The following FBN3 variants were observed in gnomAD, a reference collection of about 807,000 sequenced individuals.
The protein encoded by FBN3 is fibrillin-3.
A neutral mutation model predicts 330.1 loss-of-function variants in FBN3; 234 were observed. The observed-to-expected ratio is 0.71, with a 90% CI of 0.64 to 0.79. The LOEUF (loss-of-function observed/expected upper bound fraction) is 0.79, where lower values mean the gene tolerates loss of function less well. Ranked by LOEUF, FBN3 falls within the 30% of genes least tolerant of loss-of-function variation. The pLI, the probability that FBN3 is intolerant of heterozygous loss-of-function variation, is 0.00. For missense variants in FBN3, 3,606 were observed against 3,886.9 expected (o/e 0.93, Z 1.92); for synonymous variants, 1,458 against 1,517.3 (o/e 0.96, Z 0.91).
chr19:8,076,247 C>CGCGTGT (rs1555724953), intron 59 of FBN3, among the ~76,000 whole-genome samples: 5 of 147,646 alleles, frequency 3.4e-5, no homozygotes, highest in Admixed American at 2.0e-4. Flanking sequence ...TGTCCGTGTG[C>CGCGTGT]GTGTGTGTGT....
chr19:8,072,632 C>A (rs1435689459), intron 62 of FBN3, among the ~76,000 whole-genome samples: 3 of 151,992 alleles, frequency 2.0e-5, no homozygotes, highest in Non-Finnish European at 4.4e-5. Flanking sequence ...GCTTCCTCAC[C>A]TGTGCAAACC....
chr19:8,100,440 C>G (rs1398829859), intron 41 of FBN3, among the ~76,000 whole-genome samples: 1 of 151,944 alleles, frequency 6.6e-6, no homozygotes, highest in Non-Finnish European at 1.5e-5. Flanking sequence ...TGGGTTCAAG[C>G]AATTCTCATG....
rs901264220 is a variant in FBN3, at chr19:8,066,174, C to T, written c.8175G>A (p.Glu2725=). 5.0e-6 allele frequency: 8 copies of T among 1,612,502 alleles called. No homozygotes were observed. In the African/African-American group the frequency reaches 6.7e-5, roughly 13 times the overall value. The change falls in exon 64 of 64, where the codon GAG becomes GAA. Residue 2725 remains glutamate (E), a synonymous_variant. Transcript: ENST00000600128. The stretch of plus-strand genomic sequence containing the variant: ...CTAGACCCTCCAGGGCCGGCCGGAG[C>T]TCCAGGATGCGCTCGGCCCGGCCCA... ...SHLGRAERIL[E]LRPALEGLEG... is the part of the protein sequence containing the mutation.
chr19:8,138,092 G>C (rs759883567), intron 10 of FBN3, 49 bp downstream of exon 10: 2 of 1,530,142 alleles, frequency 1.3e-6, no homozygotes, highest in Admixed American at 2.2e-5. Context: ...CCCAGATCCA[G>C]GACCATCCTT....
rs375116459 is a variant in FBN3 at position 8,126,564 on chromosome 19, G to C, written c.2458C>G (p.Arg820Gly). 1.2e-6 allele frequency: 2 copies of C among 1,611,582 alleles called. No homozygotes were observed. The highest frequency in any genetic ancestry group is 1.7e-6 in the Non-Finnish European group (2 of 1,179,984). The part of the protein sequence containing the change: ...GTCWLKIQES[R>G]CEVNLQGASL... ...GCTCCCTGAAGGTTCACCTCACAGCGGCTCTCCTGGATCTTCAGCCAGCAG... is the reference window on the plus strand; with the variant it reads ...GCTCCCTGAAGGTTCACCTCACAGCCGCTCTCCTGGATCTTCAGCCAGCAG... The change falls in exon 20 of 64, where the codon CGC (arginine) becomes GGC (glycine). Residue 820 changes from arginine to glycine, a missense_variant. Physicochemically the swap from Arg to Gly is moderately radical, Grantham distance 125. Coordinates refer to ENST00000600128, the MANE Select transcript of FBN3 (RefSeq NM_032447.5).
chr19:8,109,250 T>C lies in FBN3; in HGVS notation c.4595A>G (p.Glu1532Gly), dbSNP rs1427601315. ...ACTGGTGTTGGCCATAGGGCACAGC[T>C]CACAGGGATTGCCCCAAGCCCGGCC... Reference protein sequence around the residue: ...SLGRAWGNPCELCPMANTTEY... With the variant: ...SLGRAWGNPCGLCPMANTTEY... The change falls in exon 36 of 64, where the codon GAG (glutamate) becomes GGG (glycine). Residue 1532 changes from glutamate to glycine, a missense_variant. Glu to Gly is a moderately conservative substitution (Grantham distance 98, BLOSUM62 -2). Coordinates refer to ENST00000600128, the MANE Select transcript of FBN3 (RefSeq NM_032447.5). This position sits in a 1 kb window ranked among gnomAD's most constrained non-coding sequence, Gnocchi z 5.2. The C allele has an allele frequency of 1.2e-6, 2 of 1,614,002 alleles. No individual in the cohort carries two copies. The highest frequency in any genetic ancestry group is 2.2e-5 in the East Asian group (1 of 44,884).
chr19:8,117,120 C>G (rs74176274), intron 28 of FBN3, 49 bp downstream of exon 28: 2 of 1,608,568 alleles, frequency 1.2e-6, no homozygotes, highest in Admixed American at 1.7e-5. Flanking sequence ...GCCAACACCT[C>G]CTCCTCACCC....
chr19:8,086,336 A>G lies in FBN3; in HGVS notation c.6755-11T>C. On this transcript the variant is annotated splice_polypyrimidine_tract_variant and intron_variant, in intron 54 of 63. Transcript: ENST00000600128. ...GGCATTCATTGTCATCTGAGATGGG[A>G]GGGGTGAGGCAGGTGGGCGGGGAGG... 6.3e-7 allele frequency: 1 copy of G among 1,589,616 alleles called. No homozygotes were observed. Among genetic ancestry groups the G allele is most frequent in the East Asian group, 2.3e-5 (1 of 43,580 alleles).
rs756599528 is a variant in FBN3, at chr19:8,095,374, C to T, written c.5785+1G>A. The T allele has an allele frequency of 3.1e-6, 5 of 1,612,782 alleles. No homozygotes were observed. The highest frequency in any genetic ancestry group is 4.2e-6 in the Non-Finnish European group (5 of 1,179,218). The stretch of plus-strand genomic sequence containing the variant: ...CCTCCGAGCACCATAGGCAGACTCA[C>T]CCACACAGTTCTTCCCATCAGCTGT... On this transcript the variant is annotated splice_donor_variant, in intron 46 of 63. Coordinates refer to ENST00000600128, the MANE Select transcript of FBN3 (RefSeq NM_032447.5). LOFTEE classifies it high-confidence loss of function.
intron 34 of FBN3, 51 bp downstream of exon 34, chr19:8,110,794 G>A: frequency 3.1e-6 from 5 of 1,610,568 alleles, no homozygotes; most frequent in Admixed American, 1.7e-5. Flanking sequence ...CATGTCCCCT[G>A]CCCCAACTCC....
chr19:8,118,905 G>T lies in FBN3; in HGVS notation c.3329C>A (p.Ala1110Asp), dbSNP rs1131691961. ...PGHELTAKGT[A>D]CEDIDECSLS... is the part of the protein sequence containing the mutation. ...CCCAGATGCACACTTACCCTCACAG[G>T]CAGTGCCCTTGGCCGTCAGCTCATG... Residue 1110 changes from alanine (A) to aspartate (D), a missense_variant, in exon 26 of 64, where the codon GCC becomes GAC. Transcript: ENST00000600128. The T allele has an allele frequency of 1.9e-5, 31 of 1,611,132 alleles. No homozygotes were observed. The highest frequency in any genetic ancestry group is 2.5e-5 in the Non-Finnish European group (30 of 1,177,524).
rs2082988088 is a variant in FBN3 at position 8,126,462 on chromosome 19, TA to T, written c.2554+5del. The T allele has an allele frequency of 6.2e-7, 1 of 1,610,566 alleles. No individual in the cohort carries two copies. Among genetic ancestry groups the T allele is most frequent in the East Asian group, 2.2e-5 (1 of 44,594 alleles). On this transcript the variant is annotated splice_donor_5th_base_variant and intron_variant, in intron 20 of 63. Coordinates refer to ENST00000600128, the MANE Select transcript of FBN3 (RefSeq NM_032447.5). Reference sequence around the variant, plus strand: ...GGTGCCTGGGAGGCCTCAAGGAGGATACTACCGATCTCGCAGCGTTCGCAGG... The same window carrying T: ...GGTGCCTGGGAGGCCTCAAGGAGGATCTACCGATCTCGCAGCGTTCGCAGG...
In FBN3 at chr19:8,138,462, C is replaced by G. The variant is rs766484751; in HGVS notation, c.968G>C (p.Arg323Thr). 1 of 1,613,410 alleles carries G rather than the reference C, an allele frequency of 6.2e-7. No homozygotes were observed. Among genetic ancestry groups the G allele is most frequent in the Admixed American group, 1.7e-5 (1 of 60,028 alleles). ...TRRQCCCDRGRCWAAGPVPEL... is the reference protein window; with the variant it reads ...TRRQCCCDRGTCWAAGPVPEL... ...AGGGACCGGGCCAGCTGCCCAGCAC[C>G]TGCCCCTGTCACAGCAGCACTGCCT... Residue 323 changes from arginine to threonine, a missense_variant, in exon 9 of 64, where the codon AGG becomes ACG. Arg to Thr is a moderately conservative substitution (Grantham distance 71). Coordinates refer to ENST00000600128, the MANE Select transcript of FBN3 (RefSeq NM_032447.5).
chr19:8,116,596 C>A, intron 29 of FBN3, 78 bp downstream of exon 29: 1 of 1,481,040 alleles, frequency 6.8e-7, no homozygotes, highest in Non-Finnish European at 9.3e-7. Context: ...GCCTATGTGC[C>A]ACCTTGTGGA....
In FBN3 at chr19:8,129,438, G is replaced by A. The variant is rs1335251333; in HGVS notation, c.2045-73C>T. 4.4e-6 allele frequency: 7 copies of A among 1,573,994 alleles called. No individual in the cohort carries two copies. The East Asian group carries it at 9.0e-5, about 20-fold the overall frequency. On this transcript the variant is annotated intron_variant, in intron 16 of 63. Transcript: ENST00000600128. The surrounding 1 kb of genome is among the most constrained non-coding windows in gnomAD (Gnocchi z 4.5). ...CCGAGGCAGGAGGAGGGTGTGTCGCGGCGCACCAGGGGTCTCTAGAAGTCA... is the reference window on the plus strand; with the variant it reads ...CCGAGGCAGGAGGAGGGTGTGTCGCAGCGCACCAGGGGTCTCTAGAAGTCA...
At chr19:8,145,177 C>T (rs948763008) in intron 5 of FBN3, among the ~76,000 whole-genome samples, 1 of 152,018 alleles carries the variant, frequency 6.6e-6, no homozygotes, top group Non-Finnish European at 1.5e-5. Flanking sequence ...GGTTCGAGAC[C>T]AGCCTGTCCA....
At chr19:8,147,529 G>A (rs1225885583) in intron 1 of FBN3, 32 bp from the exon 2 acceptor site, 44 of 1,415,060 alleles carry the variant, frequency 3.1e-5, no homozygotes, top group South Asian at 4.9e-5. Context: ...AGCCCTAGAT[G>A]AGCCCCCCAC....
At chr19:8,135,936 G>GGGGGGGGCCCCCC in intron 13 of FBN3, 25 bp downstream of exon 13, 1 of 668,776 alleles carries the variant, frequency 1.5e-6, no homozygotes, top group Non-Finnish European at 2.4e-6. Flanking sequence ...GGAAGCCCCT[G>GGGGGGGGCCCCCC]CCCACCCGCC....
chr19:8,108,439 G>C (rs994391203), intron 36 of FBN3, among the ~76,000 whole-genome samples: 12 of 152,086 alleles, frequency 7.9e-5, no homozygotes, highest in African/African-American at 2.7e-4. Flanking sequence ...GTGTGTGTGT[G>C]CATGTGCGTG....
Sources: allele counts gnomAD v4.1 joint callset (sites outside exome capture counted in the v4.1 genomes callset), GRCh38; gene constraint gnomAD v4.1.1; non-coding constraint Gnocchi (gnomAD v3.1); transcripts MANE v1.5; gene names NCBI Gene and HGNC (gene_info 2026-07-23, HGNC 2026-07-21).